TANC2: variants seen among roughly 807,000 people sequenced by gnomAD.
TANC2 encodes protein TANC2.
TANC2 carries 26 observed loss-of-function variants against 210.5 expected under a neutral mutation model. The ratio of observed to expected loss-of-function variants is 0.12; its 90% confidence interval spans 0.09 to 0.17. TANC2 has a LOEUF of 0.17. TANC2 is among the 10% of genes least tolerant of loss of function. The pLI is 1.00. For missense variants in TANC2, 2,129 were observed against 2,608.9 expected, an observed-to-expected ratio of 0.82 and a Z score of 4.01; for synonymous variants, 931 against 967.1, an observed-to-expected ratio of 0.96 and a Z score of 0.69.
chr17:63,185,821 T>C (rs1007689696), intron 5 of TANC2, among the ~76,000 whole-genome samples: 2 of 152,224 alleles, frequency 1.3e-5, no homozygotes, highest in Non-Finnish European at 2.9e-5. Context: ...GTATAGATCT[T>C]TTGTCTATTT....
chr17:62,967,728 C>T lies in TANC2; in HGVS notation c.-24+979C>T, dbSNP rs529276476. ...GTGGTGAACAAAAGGGATAGATTTT[C>T]AGGCATTTTGAGGGGTTGGAGCCAG... On this transcript the variant is annotated intron_variant, in intron 1 of 27. Coordinates refer to ENST00000689528, the Ensembl canonical transcript of TANC2. 2.0e-5 allele frequency: 3 copies of T among 151,968 alleles called. No individual in the cohort carries two copies. In the East Asian group the frequency reaches 5.8e-4, roughly 29 times the overall value. The allele number at this position is 151,968 out of a possible 1,614,324, so 9.4% of individuals were successfully genotyped here.
chr17:62,998,680 A>C (rs1482413213), intron 1 of TANC2, among the ~76,000 whole-genome samples: 1 of 152,216 alleles, frequency 6.6e-6, no homozygotes, highest in African/African-American at 2.4e-5. Flanking sequence ...GAGAAATAAG[A>C]TCCTTTGCAG....
intron 1 of TANC2, among the ~76,000 whole-genome samples, chr17:63,004,349 A>T (rs2033516861): frequency 6.6e-6 from 1 of 152,172 alleles, no homozygotes; most frequent in Non-Finnish European, 1.5e-5. Context: ...GAAGGTGGAA[A>T]GGGAGAAGAG....
chr17:63,061,836 C>T (rs2036009055), intron 2 of TANC2, among the ~76,000 whole-genome samples: 1 of 152,024 alleles, frequency 6.6e-6, no homozygotes, highest in African/African-American at 2.4e-5. Flanking sequence ...AACTTTCCTC[C>T]CTTTAACCTT....
intron 9 of TANC2, chr17:63,313,405 TC>T (rs1321696927): frequency 2.0e-5 from 3 of 152,176 alleles, no homozygotes; most frequent in African/African-American, 7.2e-5. Flanking sequence ...AGGCAGGACT[TC>T]CTTTTACCAT....
intron 8 of TANC2, among the ~76,000 whole-genome samples, chr17:63,252,740 G>T (rs1448008462): frequency 1.3e-5 from 2 of 152,076 alleles, no homozygotes; most frequent in Non-Finnish European, 2.9e-5. Context: ...TTTTATGTCT[G>T]AATAGTACTT....
At chr17:63,092,347 G>A (rs915549165) in intron 3 of TANC2, among the ~76,000 whole-genome samples, 3 of 151,558 alleles carry the variant, frequency 2.0e-5, no homozygotes, top group African/African-American at 7.3e-5. Flanking sequence ...GTATATGAGA[G>A]CTGTAGTTCA....
intron 8 of TANC2, among the ~76,000 whole-genome samples, chr17:63,243,578 A>AT (rs1389343189): frequency 1.3e-5 from 2 of 152,212 alleles, no homozygotes; most frequent in Non-Finnish European, 2.9e-5. Context: ...AAGACTCAAA[A>AT]GAGTGCCTTC....
chr17:63,180,507 A>G (rs1465716039), intron 5 of TANC2, among the ~76,000 whole-genome samples: 1 of 152,180 alleles, frequency 6.6e-6, no homozygotes, highest in Non-Finnish European at 1.5e-5. Flanking sequence ...AGGATGAATG[A>G]TGTATAGGCA....
intron 14 of TANC2, among the ~76,000 whole-genome samples, chr17:63,359,237 T>G (rs2046881058): frequency 6.6e-6 from 1 of 151,996 alleles, no homozygotes; most frequent in African/African-American, 2.4e-5. Flanking sequence ...TTTTTTTTGT[T>G]TGTAGAGAAA....
At chr17:63,383,378 C>T (rs893564981) in intron 15 of TANC2, among the ~76,000 whole-genome samples, 3 of 152,188 alleles carry the variant, frequency 2.0e-5, no homozygotes, top group Non-Finnish European at 4.4e-5. Flanking sequence ...CCTTACCCTC[C>T]TCAACCCCTG....
chr17:63,322,612 C>A (rs1303213904), intron 11 of TANC2, among the ~76,000 whole-genome samples: 1 of 152,186 alleles, frequency 6.6e-6, no homozygotes, highest in Non-Finnish European at 1.5e-5. Flanking sequence ...TTTGAAGGAC[C>A]TATAGTCCAG....
At position 63,421,887 on chromosome 17, in the gene TANC2, C is replaced by T. The variant is rs1161576286; in HGVS notation, c.6157C>T (p.Arg2053Ter). Residue 2053 changes from arginine to a stop codon, truncating the protein, a stop_gained, in exon 28 of 28, where the codon CGA (arginine) becomes TGA (stop). Coordinates refer to ENST00000689528, the Ensembl canonical transcript of TANC2. LOFTEE classifies it high-confidence loss of function. This position sits in a 1 kb window ranked among gnomAD's most constrained non-coding sequence, Gnocchi z 6.9. ...GGACAACCTGTACAGGCAGCTGTCC[C>T]GAGACTCTCGGCAAGGGCAGACATC... 1.9e-6 allele frequency: 3 copies of T among 1,613,820 alleles called. No individual in the cohort carries two copies. The highest frequency in any genetic ancestry group is 1.3e-5 in the African/African-American group (1 of 74,904).
At chr17:63,040,560 A>G (rs2144252944) in intron 2 of TANC2, among the ~76,000 whole-genome samples, 1 of 152,250 alleles carries the variant, frequency 6.6e-6, no homozygotes, top group African/African-American at 2.4e-5. Flanking sequence ...CACTATTTTA[A>G]TCCTGTGCTG....
chr17:63,091,460 A>C (rs2037190323), intron 3 of TANC2, among the ~76,000 whole-genome samples: 1 of 152,180 alleles, frequency 6.6e-6, no homozygotes, highest in South Asian at 2.1e-4. Context: ...CCATTTATTA[A>C]ATAGGGAATC....
exon 22 of TANC2, chr17:63,411,568 T>C (rs1437686978): frequency 1.2e-6 from 2 of 1,613,968 alleles, no homozygotes; most frequent in Non-Finnish European, 1.7e-6. Flanking sequence ...TGGGCTTGTT[T>C]GAAGGGCCAT....
In TANC2 at chr17:63,420,012, G is replaced by A. The variant is rs542885777; in HGVS notation, c.4282G>A (p.Ala1428Thr). The A allele has an allele frequency of 5.8e-6, 9 of 1,547,590 alleles. No individual in the cohort carries two copies. Among genetic ancestry groups the A allele is most frequent in the Admixed American group, 2.0e-5 (1 of 50,792 alleles). The change falls in exon 28 of 28, where the codon GCC becomes ACC. Residue 1428 changes from alanine to threonine, a missense_variant. Coordinates refer to ENST00000689528, the Ensembl canonical transcript of TANC2. This position sits in a 1 kb window ranked among gnomAD's most constrained non-coding sequence, Gnocchi z 4.2. ...TTTGTCAAGCAGACAGTTCGCAGCA[G>A]CCTTAGAGGACCTGAACGAGGCCAT...
rs188087740 is a variant in TANC2, at chr17:63,408,984, A to G, written c.3590-2527A>G. Among the ~76,000 whole-genome samples, 835 of 151,912 alleles carry G rather than the reference A, an allele frequency of 5.5e-3. 7 individuals are homozygous for G. The highest frequency in any genetic ancestry group is 0.018 in the African/African-American group (743 of 41,138). ...AAGAACCAAATGTATATTGGATTTT[A>G]GACTGATTACAAAACAGCATGTCAG... is the stretch of plus-strand genomic sequence containing the variant. On this transcript the variant is annotated intron_variant, in intron 21 of 27. Coordinates refer to ENST00000689528, the Ensembl canonical transcript of TANC2.
chr17:63,033,962 C>T (rs993583203), intron 2 of TANC2, among the ~76,000 whole-genome samples: 3 of 152,188 alleles, frequency 2.0e-5, no homozygotes, highest in Non-Finnish European at 4.4e-5. Context: ...GCTACCACCA[C>T]AATTAGCATA....
Sources: gnomAD v4.1 joint callset for allele counts (sites outside exome capture counted in the v4.1 genomes callset) on GRCh38, gnomAD v4.1.1 for gene constraint, Gnocchi (gnomAD v3.1) non-coding constraint, MANE v1.5 for transcripts, NCBI Gene and HGNC (gene_info 2026-07-23, HGNC 2026-07-21) for gene names.